The following KCNJ3 variants were observed in gnomAD, a reference collection of about 807,000 sequenced individuals.
KCNJ3 encodes the protein G protein-activated inward rectifier potassium channel 1.
KCNJ3 carries 4 observed loss-of-function variants against 39.2 expected under a neutral mutation model. That is an observed-to-expected ratio of 0.10 (90% CI 0.05 to 0.23). The LOEUF is 0.23. KCNJ3 is among the 10% of genes least tolerant of loss of function. The probability of loss-of-function intolerance (pLI) is 1.00; values close to 1 mark genes in which losing one functional copy is unlikely to be tolerated. For synonymous variants in KCNJ3, 230 were observed against 237.4 expected (o/e 0.97, Z 0.29); for missense variants, 276 against 634.9 (o/e 0.43, Z 6.08).
chr2:154,764,245 T>TTA (rs1363355224), intron 2 of KCNJ3, among the ~76,000 whole-genome samples: 2 of 152,212 alleles, frequency 1.3e-5, no homozygotes, highest in Admixed American at 6.5e-5. Context: ...ATATCTCTGA[T>TTA]TATATTTTTA....
intron 2 of KCNJ3, among the ~76,000 whole-genome samples, chr2:154,785,406 C>T (rs1435100362): frequency 6.6e-6 from 1 of 152,218 alleles, no homozygotes; most frequent in East Asian, 1.9e-4. Flanking sequence ...CTATGGTTTG[C>T]GTGTTTGTCC....
At chr2:154,794,537 T>C (rs771646017) in intron 2 of KCNJ3, among the ~76,000 whole-genome samples, 1 of 151,914 alleles carries the variant, frequency 6.6e-6, no homozygotes, top group African/African-American at 2.4e-5. Flanking sequence ...TATGACTGAG[T>C]GGAGGAGAGA....
intron 2 of KCNJ3, among the ~76,000 whole-genome samples, chr2:154,850,535 A>G (rs1687741743): frequency 6.6e-6 from 1 of 152,196 alleles, no homozygotes; most frequent in Non-Finnish European, 1.5e-5. Flanking sequence ...ATTGGCAAAC[A>G]TAGACATTTT....
Position 154,854,853 on chromosome 2 carries a change from T to G in KCNJ3, c.1046T>G (p.Phe349Cys). ...KVDYSQFHAT[F>C]EVPTPPYSVK... ...GATTACTCCCAGTTCCATGCAACAT[T>G]TGAAGTCCCCACCCCACCTTACAGT... Residue 349 changes from phenylalanine (F) to cysteine (C), a missense_variant, in exon 3 of 3, where the codon TTT becomes TGT. Phe to Cys is a radical substitution (Grantham distance 205, BLOSUM62 -2). This residue lies in a region of KCNJ3 where 126 missense variants were observed against 179.8 expected (regional missense o/e 0.70). Coordinates refer to ENST00000295101, the MANE Select transcript of KCNJ3 (RefSeq NM_002239.4). 1 of 1,614,036 alleles carries G rather than the reference T, an allele frequency of 6.2e-7. No homozygotes were observed. Among genetic ancestry groups the G allele is most frequent in the Non-Finnish European group, 8.5e-7 (1 of 1,179,944 alleles).
intron 2 of KCNJ3, among the ~76,000 whole-genome samples, chr2:154,805,244 G>A (rs1686889183): frequency 6.6e-6 from 1 of 152,124 alleles, no homozygotes; most frequent in Admixed American, 6.6e-5. Flanking sequence ...GCTAATTTGA[G>A]GCAAGATAAT....
intron 2 of KCNJ3, among the ~76,000 whole-genome samples, chr2:154,711,128 C>T (rs1401689007): frequency 6.6e-6 from 1 of 151,986 alleles, no homozygotes; most frequent in African/African-American, 2.4e-5. Context: ...TTTCTGCATA[C>T]TATTTTATGA....
intron 2 of KCNJ3, among the ~76,000 whole-genome samples, chr2:154,735,016 T>G (rs1297919654): frequency 1.3e-5 from 2 of 152,036 alleles, no homozygotes; most frequent in East Asian, 3.9e-4. Flanking sequence ...TAGTCAAAAG[T>G]CAAGTGATAG....
chr2:154,850,008 C>CTT lies in KCNJ3; in HGVS notation c.920-4684_920-4683dup, dbSNP rs373062062. ...TTGCAATGCAATGTACAGAATAAAT[C>CTT]TTTTTTTTTTTTTTTTTTTTTTTTT... is the stretch of plus-strand genomic sequence containing the variant. On this transcript the variant is annotated intron_variant, in intron 2 of 2. Coordinates refer to ENST00000295101, the MANE Select transcript of KCNJ3 (RefSeq NM_002239.4). Among the ~76,000 whole-genome samples, 29 of 48,850 alleles carry CTT rather than the reference C, an allele frequency of 5.9e-4. 7 individuals carry two copies. The highest frequency in any genetic ancestry group is 2.2e-3 in the African/African-American group (27 of 12,498). The allele number at this position is 48,850 out of a possible 152,430, so 32.0% of individuals were successfully genotyped here.
intron 2 of KCNJ3, among the ~76,000 whole-genome samples, chr2:154,735,592 A>G (rs998025759): frequency 6.6e-6 from 1 of 152,180 alleles, no homozygotes; most frequent in African/African-American, 2.4e-5. Flanking sequence ...TTCAGTTAAT[A>G]TAATTTTCTC....
chr2:154,816,218 C>T (rs1687081726), intron 2 of KCNJ3, among the ~76,000 whole-genome samples: 1 of 152,094 alleles, frequency 6.6e-6, no homozygotes, highest in Non-Finnish European at 1.5e-5. Context: ...AAAGTAGCTG[C>T]AGTAAGTGAG....
At chr2:154,831,759 T>TTTGA (rs546178048) in intron 2 of KCNJ3, among the ~76,000 whole-genome samples, 240 of 152,332 alleles carry the variant, frequency 1.6e-3, no homozygotes, top group Non-Finnish European at 2.5e-3. Flanking sequence ...GGAACATTGC[T>TTTGA]TTGATTACAT....
At chr2:154,805,542 C>A (rs1398515703) in intron 2 of KCNJ3, among the ~76,000 whole-genome samples, 1 of 152,006 alleles carries the variant, frequency 6.6e-6, no homozygotes, top group Non-Finnish European at 1.5e-5. Context: ...AGCAAAGGAG[C>A]TAAAAGATTG....
intron 2 of KCNJ3, among the ~76,000 whole-genome samples, chr2:154,727,802 C>A (rs576014145): frequency 6.6e-6 from 1 of 151,650 alleles, no homozygotes; most frequent in South Asian, 2.1e-4. Context: ...GCGAGGTCAG[C>A]TGTCATAGTA....
chr2:154,817,929 G>A (rs995060352), intron 2 of KCNJ3, among the ~76,000 whole-genome samples: 1 of 151,498 alleles, frequency 6.6e-6, no homozygotes, highest in African/African-American at 2.4e-5. Context: ...CGTGTCCAAC[G>A]ATGTCATATT....
intron 2 of KCNJ3, among the ~76,000 whole-genome samples, chr2:154,750,956 A>T (rs1419596519): frequency 6.6e-6 from 1 of 152,018 alleles, no homozygotes; most frequent in Non-Finnish European, 1.5e-5. Flanking sequence ...TTTGCATATT[A>T]TCATTGTAAT....
At chr2:154,848,503 A>G (rs777749280) in intron 2 of KCNJ3, among the ~76,000 whole-genome samples, 1 of 152,162 alleles carries the variant, frequency 6.6e-6, no homozygotes, top group African/African-American at 2.4e-5. Flanking sequence ...TTTCCCGTCC[A>G]GTAGGAAGAT....
At chr2:154,740,962 A>G (rs879791993) in intron 2 of KCNJ3, among the ~76,000 whole-genome samples, 2 of 152,078 alleles carry the variant, frequency 1.3e-5, no homozygotes, top group Non-Finnish European at 2.9e-5. Context: ...ACTCAGCACA[A>G]TATAGGTTTC....
At chr2:154,716,676 A>T (rs1685187385) in intron 2 of KCNJ3, among the ~76,000 whole-genome samples, 1 of 152,216 alleles carries the variant, frequency 6.6e-6, no homozygotes, top group East Asian at 1.9e-4. Flanking sequence ...GTGTTTTACT[A>T]CATCTCTGAA....
At chr2:154,823,742 T>C (rs540879340) in intron 2 of KCNJ3, among the ~76,000 whole-genome samples, 1 of 152,328 alleles carries the variant, frequency 6.6e-6, no homozygotes, top group African/African-American at 2.4e-5. Flanking sequence ...TATCACAATA[T>C]TTATACATAT....
Sources: gnomAD v4.1 joint callset for allele counts (sites outside exome capture counted in the v4.1 genomes callset) on GRCh38, gnomAD v4.1.1 for gene constraint, gnomAD v4.1.1 regional missense constraint, MANE v1.5 for transcripts, NCBI Gene and HGNC (gene_info 2026-07-23, HGNC 2026-07-21) for gene names.